Variants in SVIL observed in about 807,000 individuals in gnomAD.
SVIL encodes the protein supervillin.
SVIL carries 101 observed loss-of-function variants against 240.4 expected under a neutral mutation model. The ratio of observed to expected loss-of-function variants is 0.42; its 90% confidence interval spans 0.36 to 0.50. SVIL has a LOEUF of 0.50. Among genes scored for constraint, SVIL ranks in the 20% least tolerant of loss-of-function variants. The pLI is 0.01. For synonymous variants in SVIL, 999 were observed against 1,100.0 expected, an observed-to-expected ratio of 0.91 and a Z score of 1.82; for missense variants, 2,512 against 2,818.7, an observed-to-expected ratio of 0.89 and a Z score of 2.46.
chr10:29,569,393 C>T, intron 1 of SVIL, 81 bp from the exon 2 acceptor site: 3 of 600,072 alleles, frequency 5.0e-6, no homozygotes, highest in Non-Finnish European at 6.3e-6. Flanking sequence ...CTCCAAACTG[C>T]TTTTGAACAT....
chr10:29,572,609 A>G (rs1197103793), intron 1 of SVIL, among the ~76,000 whole-genome samples: 1 of 151,998 alleles, frequency 6.6e-6, no homozygotes, highest in Non-Finnish European at 1.5e-5. Flanking sequence ...TACAAAAAAT[A>G]AAAAATGAGC....
chr10:29,595,695 C>T lies in SVIL; in HGVS notation c.-200-26383G>A, dbSNP rs191840464. 1.1e-4 allele frequency among the ~76,000 whole-genome samples: 17 copies of T among 152,324 alleles called. No individual in the cohort carries two copies. In the East Asian group the frequency reaches 3.3e-3, roughly 29 times the overall value. The stretch of plus-strand genomic sequence containing the variant: ...GAAAGTCTCTAGCATCAGTGCCTCT[C>T]TTCTGCAGTGAGCCAGGCCCATATC... On this transcript the variant is annotated intron_variant, in intron 1 of 37. Coordinates refer to ENST00000355867, the MANE Select transcript of SVIL (RefSeq NM_021738.3).
chr10:29,656,276 G>C (rs551780165), intron 3 of SVIL, among the ~76,000 whole-genome samples: 21 of 151,700 alleles, frequency 1.4e-4, no homozygotes, highest in African/African-American at 5.1e-4. Context: ...CAATCTGGAA[G>C]CTTTTTCTAT....
intron 29 of SVIL, among the ~76,000 whole-genome samples, chr10:29,479,407 C>T (rs1024846016): frequency 3.9e-5 from 6 of 152,166 alleles, no homozygotes; most frequent in Non-Finnish European, 8.8e-5. Flanking sequence ...TCAGGGAGCC[C>T]AGTAGGCCCT....
At chr10:29,480,888 C>T in intron 28 of SVIL, 75 bp from the exon 29 acceptor site, 1 of 1,510,536 alleles carries the variant, frequency 6.6e-7, no homozygotes, top group Non-Finnish European at 9.0e-7. Flanking sequence ...AATGCTGCTT[C>T]AGCTGTTCAT....
At chr10:29,695,797 T>G (rs1323427569) in intron 1 of SVIL, among the ~76,000 whole-genome samples, 1 of 145,528 alleles carries the variant, frequency 6.9e-6, no homozygotes, top group Non-Finnish European at 1.5e-5. Flanking sequence ...CGTCTCCCTC[T>G]CCCTCTCCCG....
In SVIL at chr10:29,582,296, T is replaced by C. The variant is rs377429322; in HGVS notation, c.-200-12984A>G. Reference sequence around the variant, plus strand: ...ACAGCTGACATACAATGCAGGCACATGCTGAGCACCTGGAGAACAGCTCTT... The same window carrying C: ...ACAGCTGACATACAATGCAGGCACACGCTGAGCACCTGGAGAACAGCTCTT... On this transcript the variant is annotated intron_variant, in intron 1 of 37. Coordinates refer to ENST00000355867, the MANE Select transcript of SVIL (RefSeq NM_021738.3). Among the ~76,000 whole-genome samples the C allele has an allele frequency of 1.5e-3, 236 of 152,324 alleles. 8 individuals carry two copies. In the South Asian group the frequency reaches 0.047, roughly 30 times the overall value.
chr10:29,687,296 C>T (rs1961145437), intron 1 of SVIL, among the ~76,000 whole-genome samples: 1 of 152,246 alleles, frequency 6.6e-6, no homozygotes, highest in Admixed American at 6.5e-5. Context: ...CCCAAAAACT[C>T]TGCATAATTG....
rs757325608 is a variant in SVIL, at chr10:29,467,777, C to T, written c.5942G>A (p.Arg1981Lys). ...GCAATCGTAGGCTTTCCTGTCTCTC[C>T]TTCCTAAGGCATCCCAGAATCCGAG... ...EPLGFWDALG[R>K]RDRKAYDCML... The change falls in exon 33 of 38, where the codon AGG (arginine) becomes AAG (lysine). Residue 1981 changes from arginine to lysine, a missense_variant. By Grantham distance (26) the Arg-to-Lys change is conservative. This residue lies in a region of SVIL where 797 missense variants were observed against 925.3 expected (regional missense o/e 0.86). Coordinates refer to ENST00000355867, the MANE Select transcript of SVIL (RefSeq NM_021738.3). 2 of 1,614,198 alleles carry T rather than the reference C, an allele frequency of 1.2e-6. No individual in the cohort carries two copies. The highest frequency in any genetic ancestry group is 1.7e-6 in the Non-Finnish European group (2 of 1,180,028).
At chr10:29,711,577 A>G (rs1361948052) in intron 1 of SVIL, among the ~76,000 whole-genome samples, 2 of 152,124 alleles carry the variant, frequency 1.3e-5, no homozygotes, top group African/African-American at 4.8e-5. Flanking sequence ...CCTGGCCAAC[A>G]TGGTGAAACT....
At chr10:29,645,199 A>G (rs780488598) in intron 3 of SVIL, among the ~76,000 whole-genome samples, 105 of 152,260 alleles carry the variant, frequency 6.9e-4, no homozygotes, top group Non-Finnish European at 1.4e-3. Context: ...AATTCTAAAA[A>G]CTTGAAATTC....
At chr10:29,480,138 C>G (rs769797336) in intron 29 of SVIL, among the ~76,000 whole-genome samples, 11 of 152,210 alleles carry the variant, frequency 7.2e-5, no homozygotes, top group Non-Finnish European at 1.3e-4. Flanking sequence ...CCATTTGGTT[C>G]CAGCTTTAAA....
chr10:29,672,515 T>G (rs1035602083), intron 2 of SVIL, among the ~76,000 whole-genome samples: 13 of 152,214 alleles, frequency 8.5e-5, no homozygotes, highest in African/African-American at 3.1e-4. Context: ...CCACTCTGGG[T>G]GGCTTTGCAA....
At chr10:29,517,395 C>T (rs980732598) in intron 16 of SVIL, among the ~76,000 whole-genome samples, 9 of 151,932 alleles carry the variant, frequency 5.9e-5, no homozygotes, top group African/African-American at 2.2e-4. Context: ...CCACTGCACT[C>T]CAGCCTGGAC....
At chr10:29,506,426 T>C (rs1212982880) in intron 17 of SVIL, among the ~76,000 whole-genome samples, 5 of 151,622 alleles carry the variant, frequency 3.3e-5, no homozygotes, top group East Asian at 1.9e-4. Context: ...AGTGGGGAGT[T>C]TCCATCTGTG....
intron 1 of SVIL, among the ~76,000 whole-genome samples, chr10:29,595,129 T>C (rs1333992545): frequency 6.6e-6 from 1 of 152,216 alleles, no homozygotes; most frequent in Non-Finnish European, 1.5e-5. Flanking sequence ...AAACTGTGAT[T>C]CTCATGAGTG....
At chr10:29,575,986 ATCTT>A (rs1257633117) in intron 1 of SVIL, 1 of 417,572 alleles carries the variant, frequency 2.4e-6, no homozygotes, top group East Asian at 1.6e-4. Flanking sequence ...TCACTGATGA[ATCTT>A]TATGACTGAA....
Position 29,493,385 on chromosome 10 carries a change from C to T in SVIL, c.3848G>A (p.Gly1283Glu), listed in dbSNP as rs759261343. 6.8e-6 allele frequency: 11 copies of T among 1,613,838 alleles called. No homozygotes were observed. Among genetic ancestry groups the T allele is most frequent in the Non-Finnish European group, 7.6e-6 (9 of 1,179,930 alleles). ...GACAGTGAGCACCGTTTCGTGCATC[C>T]CGCCAACTATCAACAAACAAGCAAA... Reference protein sequence around the residue: ...FLRRLNNKVGGMHETVLTVTG... With the variant: ...FLRRLNNKVGEMHETVLTVTG... Residue 1283 changes from glycine (G) to glutamate (E), a missense_variant, in exon 21 of 38, where the codon GGG (glycine) becomes GAG (glutamate). By Grantham distance (98) the Gly-to-Glu change is moderately conservative (BLOSUM62 -2). Around this residue, in one of 3 missense-constraint regions of SVIL, gnomAD observed 272 missense variants for 406.8 expected, o/e 0.67. Coordinates refer to ENST00000355867, the MANE Select transcript of SVIL (RefSeq NM_021738.3).
chr10:29,476,739 A>G (rs931525131), intron 29 of SVIL, among the ~76,000 whole-genome samples: 13 of 152,182 alleles, frequency 8.5e-5, no homozygotes, highest in African/African-American at 3.1e-4. Context: ...ACATTTCACT[A>G]GTTTTCTTTA....
Sources: gnomAD v4.1 joint callset for allele counts (sites outside exome capture counted in the v4.1 genomes callset) on GRCh38, gnomAD v4.1.1 for gene constraint, gnomAD v4.1.1 regional missense constraint, MANE v1.5 for transcripts, NCBI Gene and HGNC (gene_info 2026-07-23, HGNC 2026-07-21) for gene names.